COA1: variants seen among roughly 807,000 people sequenced by gnomAD.
The protein encoded by COA1 is cytochrome c oxidase assembly factor 1 homolog.
A neutral mutation model predicts 16.0 loss-of-function variants in COA1; 13 were observed. The observed-to-expected ratio is 0.81, with a 90% CI of 0.53 to 1.29. The LOEUF (loss-of-function observed/expected upper bound fraction) is 1.29, where lower values mean the gene tolerates loss of function less well. Among genes scored for constraint, COA1 ranks in the 50% most tolerant of loss-of-function variants. The pLI, the probability that COA1 is intolerant of heterozygous loss-of-function variation, is 0.00. For synonymous variants in COA1, 65 were observed against 65.7 expected (o/e 0.99, Z 0.05); for missense variants, 179 against 177.0 (o/e 1.01, Z -0.06).
chr7:43,667,693 G>A (rs2092975499), intron 1 of COA1, among the ~76,000 whole-genome samples: 1 of 152,156 alleles, frequency 6.6e-6, no homozygotes, highest in East Asian at 1.9e-4. Flanking sequence ...TGGAATAGAG[G>A]AAGAACATAC....
intron 6 of COA1, among the ~76,000 whole-genome samples, chr7:43,617,486 G>T (rs1309119781): frequency 6.6e-6 from 1 of 152,198 alleles, no homozygotes; most frequent in Admixed American, 6.5e-5. Flanking sequence ...AAATGGAAGA[G>T]CGGGGAGGAA....
At chr7:43,648,778 CTA>C in intron 1 of COA1, 126 bp from the exon 2 acceptor site, 1 of 684,560 alleles carries the variant, frequency 1.5e-6, no homozygotes, top group Non-Finnish European at 2.4e-6. Context: ...AAATTAAACT[CTA>C]AAACAAGCCT....
intron 1 of COA1, among the ~76,000 whole-genome samples, chr7:43,665,908 C>A (rs547835159): frequency 1.3e-5 from 2 of 152,176 alleles, no homozygotes; most frequent in Non-Finnish European, 2.9e-5. Flanking sequence ...TGGGTGGGGA[C>A]ACAGAGCCAA....
At chr7:43,698,630 C>T (rs1054336085) in intron 1 of COA1, among the ~76,000 whole-genome samples, 2 of 152,148 alleles carry the variant, frequency 1.3e-5, no homozygotes, top group Admixed American at 6.5e-5. Context: ...CCAACAGTGA[C>T]GCCAGCCAAC....
intron 6 of COA1, among the ~76,000 whole-genome samples, chr7:43,615,730 G>C (rs1023400023): frequency 1.3e-5 from 2 of 151,892 alleles, no homozygotes; most frequent in African/African-American, 4.8e-5. Flanking sequence ...TTGTGCTGTC[G>C]TCCAGCCACA....
At chr7:43,691,377 GAGGA>G (rs1196489846) in intron 1 of COA1, among the ~76,000 whole-genome samples, 29 of 30,826 alleles carry the variant, frequency 9.4e-4, no homozygotes, top group African/African-American at 2.6e-3. Context: ...GGGAGGGAGG[GAGGA>G]AGGAAGGAAG....
chr7:43,647,322 C>A (rs2089621213), intron 3 of COA1: 2 of 594,538 alleles, frequency 3.4e-6, no homozygotes, highest in Non-Finnish European at 6.0e-6. Context: ...GCATATTAGT[C>A]CTGGTCCTTT....
At chr7:43,616,663 T>C (rs943775151) in intron 6 of COA1, among the ~76,000 whole-genome samples, 2 of 152,166 alleles carry the variant, frequency 1.3e-5, no homozygotes, top group African/African-American at 2.4e-5. Context: ...TTTGGGAGGC[T>C]GAGACGGGCG....
chr7:43,623,533 T>C (rs777026180), intron 6 of COA1: 3 of 1,579,720 alleles, frequency 1.9e-6, no homozygotes, highest in South Asian at 1.1e-5. Flanking sequence ...GGAATTTTTT[T>C]CCACAAAACT....
At chr7:43,724,424 C>T (rs987112512) in intron 1 of COA1, among the ~76,000 whole-genome samples, 2 of 151,872 alleles carry the variant, frequency 1.3e-5, no homozygotes, top group Non-Finnish European at 2.9e-5. Flanking sequence ...TGGTGGTGCA[C>T]GCCTGTAGTC....
Position 43,667,264 on chromosome 7 carries a change from G to A in COA1, c.-38-18612C>T, listed in dbSNP as rs1477522555. On this transcript the variant is annotated intron_variant, in intron 1 of 5. Coordinates refer to ENST00000223336, the MANE Select transcript of COA1 (RefSeq NM_018224.4). Reference sequence around the variant, plus strand: ...AAATCAAACTTCAAGTTTCAAAACTGTCCTTCCTGATGCCTGGCTTTTTGG... The same window carrying A: ...AAATCAAACTTCAAGTTTCAAAACTATCCTTCCTGATGCCTGGCTTTTTGG... Among the ~76,000 whole-genome samples, 7 of 152,242 alleles carry A rather than the reference G, an allele frequency of 4.6e-5. No homozygotes were observed. In the East Asian group the frequency reaches 1.3e-3, roughly 29 times the overall value.
intron 1 of COA1, among the ~76,000 whole-genome samples, chr7:43,697,543 C>G (rs965522699): frequency 3.3e-5 from 5 of 152,128 alleles, no homozygotes; most frequent in African/African-American, 1.2e-4. Context: ...GCCTCGGCTT[C>G]CCAAAGTGCT....
At chr7:43,700,607 T>TGTGC (rs1282091404) in intron 1 of COA1, among the ~76,000 whole-genome samples, 1 of 151,378 alleles carries the variant, frequency 6.6e-6, no homozygotes, top group Non-Finnish European at 1.5e-5. Flanking sequence ...TGTGTGTGTG[T>TGTGC]GTGTGTGTGT....
intron 1 of COA1, among the ~76,000 whole-genome samples, chr7:43,691,265 A>AAAGAAAGAAAAGAAAG (rs1450949783): frequency 2.2e-5 from 1 of 45,902 alleles, no homozygotes; most frequent in Non-Finnish European, 4.0e-5. Context: ...AGAAAGAAAG[A>AAAGAAAGAAAAGAAAG]AAAGAAAGAA....
intron 1 of COA1, among the ~76,000 whole-genome samples, chr7:43,676,645 CA>C (rs2093534802): frequency 6.6e-6 from 1 of 151,800 alleles, no homozygotes. Context: ...TTTCAAACAG[CA>C]AAAAAGAGGA....
At chr7:43,715,553 CCT>C (rs1230208117) in intron 1 of COA1, among the ~76,000 whole-genome samples, 1 of 151,916 alleles carries the variant, frequency 6.6e-6, no homozygotes, top group Non-Finnish European at 1.5e-5. Context: ...TTGGCTGCCT[CCT>C]CTCATTTTTG....
intron 6 of COA1, among the ~76,000 whole-genome samples, chr7:43,616,067 C>A (rs892134514): frequency 6.6e-6 from 1 of 152,154 alleles, no homozygotes; most frequent in African/African-American, 2.4e-5. Context: ...GTCTTGTTTT[C>A]TGTTATTTCC....
chr7:43,691,427 AAGAAAGAAAGAAAGAAAGAAAG>A (rs2094352012), intron 1 of COA1, among the ~76,000 whole-genome samples: 8 of 61,404 alleles, frequency 1.3e-4, no homozygotes, highest in African/African-American at 4.8e-4. Context: ...AAGAAAAAGA[AAGAAAGAAAGAAAGAAAGAAAG>A]AAAGAAAGAA....
intron 5 of COA1, among the ~76,000 whole-genome samples, chr7:43,640,127 C>T (rs776832743): frequency 2.6e-5 from 4 of 152,116 alleles, no homozygotes; most frequent in African/African-American, 9.7e-5. Flanking sequence ...AGAGGCTTCC[C>T]GTGGGGGAAG....
Sources: gnomAD v4.1 joint callset for allele counts (sites outside exome capture counted in the v4.1 genomes callset) on GRCh38, gnomAD v4.1.1 for gene constraint, MANE v1.5 for transcripts, NCBI Gene and HGNC (gene_info 2026-07-23, HGNC 2026-07-21) for gene names.